The following TNFRSF1B variants were observed in gnomAD, a reference collection of about 807,000 sequenced individuals.
TNFRSF1B encodes the protein tumor necrosis factor receptor superfamily member 1B.
A neutral mutation model predicts 44.6 loss-of-function variants in TNFRSF1B; 19 were observed. The ratio of observed to expected loss-of-function variants is 0.43; its 90% CI spans 0.30 to 0.62. TNFRSF1B has a LOEUF of 0.62. Among genes scored for constraint, TNFRSF1B ranks in the 20% least tolerant of loss-of-function variants. The probability of loss-of-function intolerance (pLI) is 0.16; values close to 1 mark genes in which losing one functional copy is unlikely to be tolerated. For synonymous variants in TNFRSF1B, 252 were observed against 261.1 expected (o/e 0.97, Z 0.34); for missense variants, 541 against 619.9 (o/e 0.87, Z 1.35).
chr1:12,200,630 CTTT>C (rs879799451), intron 8 of TNFRSF1B, among the ~76,000 whole-genome samples: 1 of 151,412 alleles, frequency 6.6e-6, no homozygotes, highest in Admixed American at 6.6e-5. Flanking sequence ...GCAAATTATT[CTTT>C]TTTTTTGAGA....
chr1:12,175,012 A>C (rs1638619117), intron 1 of TNFRSF1B, among the ~76,000 whole-genome samples: 1 of 152,232 alleles, frequency 6.6e-6, no homozygotes. Flanking sequence ...GTGGCCCTGC[A>C]CTAGTGAGAC....
chr1:12,192,311 G>GCATCT (rs1557634781), intron 4 of TNFRSF1B, 120 bp from the exon 5 acceptor site: 1 of 753,302 alleles, frequency 1.3e-6, no homozygotes, highest in Non-Finnish European at 2.3e-6. Flanking sequence ...TGTGTGTAAG[G>GCATCT]GGTGGAGGTG....
At chr1:12,174,409 G>A (rs1456611209) in intron 1 of TNFRSF1B, among the ~76,000 whole-genome samples, 7 of 151,856 alleles carry the variant, frequency 4.6e-5, no homozygotes, top group African/African-American at 1.7e-4. Flanking sequence ...CACCACACCC[G>A]GCTAGTTTTT....
rs1638726659 is a variant in TNFRSF1B, at chr1:12,178,964, A to T, written c.79-9832A>T. Among the ~76,000 whole-genome samples, 1 of 152,038 alleles carries T rather than the reference A, an allele frequency of 6.6e-6. No homozygotes were observed. Among genetic ancestry groups the T allele is most frequent in the African/African-American group, 2.4e-5 (1 of 41,386 alleles). ...AGCCTGCAGCTGGCAGGAGATGCTG[A>T]GGGCAGCGAGGAGGAGGGGTCGTGG... On this transcript the variant is annotated intron_variant, in intron 1 of 9. Transcript: ENST00000376259. The surrounding 1 kb of genome is among the most constrained non-coding windows in gnomAD (Gnocchi z 4.3).
chr1:12,170,299 T>G (rs986171879), intron 1 of TNFRSF1B, among the ~76,000 whole-genome samples: 1 of 152,204 alleles, frequency 6.6e-6, no homozygotes, highest in Admixed American at 6.5e-5. Flanking sequence ...ACACTACCAA[T>G]AGGTCACAGA....
chr1:12,184,852 C>T (rs1212054979), intron 1 of TNFRSF1B, among the ~76,000 whole-genome samples: 1 of 152,192 alleles, frequency 6.6e-6, no homozygotes, highest in African/African-American at 2.4e-5. Flanking sequence ...GGGATGAAGC[C>T]CGCGGGATGC....
Position 12,168,062 on chromosome 1 carries a change from T to C in TNFRSF1B, c.78+893T>C, listed in dbSNP as rs1638435184. Reference sequence around the variant, plus strand: ...TTTGGTAAGATAAGATAAACCATTTTTTAGAGAAGGAAAACTGAGGCTCAG... The same window carrying C: ...TTTGGTAAGATAAGATAAACCATTTCTTAGAGAAGGAAAACTGAGGCTCAG... On this transcript the variant is annotated intron_variant, in intron 1 of 9. Coordinates refer to ENST00000376259, the MANE Select transcript of TNFRSF1B (RefSeq NM_001066.3). This position sits in a 1 kb window ranked among gnomAD's most constrained non-coding sequence, Gnocchi z 4.7. Among the ~76,000 whole-genome samples, 2 of 152,212 alleles carry C rather than the reference T, an allele frequency of 1.3e-5. 1 individual carries two copies. The highest frequency in any genetic ancestry group is 4.1e-4 in the South Asian group (2 of 4,828).
chr1:12,169,044 C>G lies in TNFRSF1B; in HGVS notation c.78+1875C>G, dbSNP rs1411925745. 6.6e-6 allele frequency among the ~76,000 whole-genome samples: 1 copy of G among 152,194 alleles called. No individual in the cohort carries two copies. The highest frequency in any genetic ancestry group is 1.5e-5 in the Non-Finnish European group (1 of 68,018). On this transcript the variant is annotated intron_variant, in intron 1 of 9. Coordinates refer to ENST00000376259, the MANE Select transcript of TNFRSF1B (RefSeq NM_001066.3). This position sits in a 1 kb window ranked among gnomAD's most constrained non-coding sequence, Gnocchi z 4.5. ...GTGCAAAAAGCATTGTCCGTGCCAT[C>G]CCCTCTCCAAGGGACACTTCTTACC...
At chr1:12,175,370 GT>G (rs1638631221) in intron 1 of TNFRSF1B, among the ~76,000 whole-genome samples, 1 of 152,214 alleles carries the variant, frequency 6.6e-6, no homozygotes, top group Non-Finnish European at 1.5e-5. Context: ...TGGGCAGGGG[GT>G]GGAGTGCAGA....
intron 1 of TNFRSF1B, among the ~76,000 whole-genome samples, chr1:12,176,581 G>A (rs752277918): frequency 1.8e-4 from 27 of 152,172 alleles, no homozygotes; most frequent in African/African-American, 2.4e-5. Flanking sequence ...GGAGGAGTGT[G>A]GATTCAAGCC....
At chr1:12,167,198 C>A in intron 1 of TNFRSF1B, 29 bp downstream of exon 1, 1 of 1,247,416 alleles carries the variant, frequency 8.0e-7, no homozygotes. Flanking sequence ...CCACGGGGGA[C>A]AGCCGCCCCG....
chr1:12,191,173 T>A, intron 3 of TNFRSF1B, 88 bp downstream of exon 3: 1 of 1,538,608 alleles, frequency 6.5e-7, no homozygotes, highest in Admixed American at 1.8e-5. Context: ...TCCAGCTGTC[T>A]GGAGTTACCC....
rs200523653 is a variant in TNFRSF1B, at chr1:12,190,954, C to T, written c.179-3C>T. 13 of 1,613,540 alleles carry T rather than the reference C, an allele frequency of 8.1e-6. No individual in the cohort carries two copies. Among genetic ancestry groups the T allele is most frequent in the Middle Eastern group, 3.3e-4 (2 of 6,058 alleles). On this transcript the variant is annotated splice_region_variant and splice_polypyrimidine_tract_variant and intron_variant, in intron 2 of 9. Coordinates refer to ENST00000376259, the MANE Select transcript of TNFRSF1B (RefSeq NM_001066.3). The stretch of plus-strand genomic sequence containing the variant: ...CTGAGACCTCTGGCCCTTGTTTCCT[C>T]AGGCCAACATGCAAAAGTCTTCTGT...
intron 9 of TNFRSF1B, among the ~76,000 whole-genome samples, chr1:12,203,760 T>C (rs235221): frequency 0.24 from 36,730 of 152,128 alleles, 5,150 homozygotes; most frequent in Non-Finnish European, 0.32. Context: ...GCTCGTCGCC[T>C]AGGCTGGAGT....
rs1403308935 is a variant in TNFRSF1B, at chr1:12,191,192, T to A, written c.307+107T>A. The A allele has an allele frequency of 1.2e-5, 17 of 1,453,724 alleles. No homozygotes were observed. In the South Asian group the frequency reaches 2.1e-4, roughly 18 times the overall value. The allele number at this position is 1,453,724 out of a possible 1,614,324, so 90.1% of individuals were successfully genotyped here. On this transcript the variant is annotated intron_variant, in intron 3 of 9. Coordinates refer to ENST00000376259, the MANE Select transcript of TNFRSF1B (RefSeq NM_001066.3). The stretch of plus-strand genomic sequence containing the variant: ...GCTGTCTGGAGTTACCCCAGGCTGG[T>A]TGTTGGAAGTGGCACAGGTGCAGCT...
rs1295064859 is a variant in TNFRSF1B, at chr1:12,173,128, G to A, written c.78+5959G>A. Among the ~76,000 whole-genome samples, 6 of 152,294 alleles carry A rather than the reference G, an allele frequency of 3.9e-5. No homozygotes were observed. The South Asian group carries it at 8.3e-4, about 21-fold the overall frequency. On this transcript the variant is annotated intron_variant, in intron 1 of 9. Coordinates refer to ENST00000376259, the MANE Select transcript of TNFRSF1B (RefSeq NM_001066.3). ...AGATCACAGTTCCCATCTGAGCACCGTCACTGGCTTGCTGTGCTACCTTGC... is the reference window on the plus strand; with the variant it reads ...AGATCACAGTTCCCATCTGAGCACCATCACTGGCTTGCTGTGCTACCTTGC...
chr1:12,182,398 C>T (rs1278670812), intron 1 of TNFRSF1B, among the ~76,000 whole-genome samples: 1 of 152,212 alleles, frequency 6.6e-6, no homozygotes, highest in African/African-American at 2.4e-5. Context: ...CGGCCCCGCA[C>T]CTTGTGTCAC....
chr1:12,191,210 G>A, intron 3 of TNFRSF1B, 125 bp downstream of exon 3: 11 of 1,326,020 alleles, frequency 8.3e-6, no homozygotes, highest in Non-Finnish European at 1.1e-5. Flanking sequence ...AGTGGCACAG[G>A]TGCAGCTGTT....
At position 12,190,818 on chromosome 1, in the gene TNFRSF1B, G is replaced by T. The variant is rs530052783; in HGVS notation, c.179-139G>T. 10 of 984,480 alleles carry T rather than the reference G, an allele frequency of 1.0e-5. No individual in the cohort carries two copies. In the Admixed American group the frequency reaches 2.4e-4, roughly 24 times the overall value. The allele number at this position is 984,480 out of a possible 1,614,324, so 61.0% of individuals were successfully genotyped here. A position where few individuals can be genotyped will look rare whatever the true frequency, so the allele number is the denominator to read the frequency against. ...GCTGGTACAATACTAGATGGGAGAT[G>T]ATTCTGAGGAATTGGAACTCCACAG... is the stretch of plus-strand genomic sequence containing the variant. On this transcript the variant is annotated intron_variant, in intron 2 of 9. Transcript: ENST00000376259.
Sources: allele counts gnomAD v4.1 joint callset (sites outside exome capture counted in the v4.1 genomes callset), GRCh38; gene constraint gnomAD v4.1.1; non-coding constraint Gnocchi (gnomAD v3.1); transcripts MANE v1.5; gene names NCBI Gene and HGNC (gene_info 2026-07-23, HGNC 2026-07-21).